The following PCDHA5 variants were observed in gnomAD, a reference collection of about 807,000 sequenced individuals.
PCDHA5 encodes the protein protocadherin alpha 5, also known as protocadherin alpha-5.
PCDHA5 carries 43 observed loss-of-function variants against 61.6 expected under a neutral mutation model. The observed-to-expected ratio is 0.70, with a 90% CI of 0.55 to 0.90. The LOEUF is 0.90. PCDHA5 is among the 40% of genes least tolerant of loss of function. The pLI is 0.00. For synonymous variants in PCDHA5, 627 were observed against 543.9 expected (o/e 1.15, Z -2.13); for missense variants, 1,298 against 1,222.7 (o/e 1.06, Z -0.92).
Position 140,883,794 on chromosome 5 carries a change from C to T in PCDHA5, c.2352+59667C>T, listed in dbSNP as rs781822448. On this transcript the variant is annotated intron_variant, in intron 1 of 3. Coordinates refer to ENST00000529859, the MANE Select transcript of PCDHA5 (RefSeq NM_018908.3). ...GAGCGTGCGCTGTCGAGCTACGTGT[C>T]GGTGCACGCGGAGAGCGGCAAGGTG... 8 of 1,612,476 alleles carry T rather than the reference C, an allele frequency of 5.0e-6. No individual in the cohort carries two copies. The East Asian group carries it at 1.6e-4, about 31-fold the overall frequency.
intron 1 of PCDHA5, among the ~76,000 whole-genome samples, chr5:140,973,636 T>C (rs535388717): frequency 6.6e-6 from 1 of 152,234 alleles, no homozygotes; most frequent in Non-Finnish European, 1.5e-5. Flanking sequence ...CTTGTACACA[T>C]TCTGACTGAA....
In PCDHA5 at chr5:140,823,946, C is replaced by T; in HGVS notation, c.2171C>T (p.Ala724Val). ...CTGTACACCGCGCTGCGGTGCTCGG[C>T]GCAGCCCACCGAGGCCGTGTGCACA... ...LLLYTALRCS[A>V]QPTEAVCTRG... is the part of the protein sequence containing the mutation. Residue 724 changes from alanine to valine, a missense_variant, in exon 1 of 4, where the codon GCG becomes GTG. Physicochemically the swap from Ala to Val is moderately conservative, Grantham distance 64 (BLOSUM62 0). Transcript: ENST00000529859. The T allele has an allele frequency of 1.2e-6, 2 of 1,613,970 alleles. No homozygotes were observed. Among genetic ancestry groups the T allele is most frequent in the East Asian group, 2.2e-5 (1 of 44,872 alleles).
intron 1 of PCDHA5, among the ~76,000 whole-genome samples, chr5:140,941,126 G>T (rs1194807243): frequency 6.6e-6 from 1 of 151,906 alleles, no homozygotes; most frequent in Non-Finnish European, 1.5e-5. Flanking sequence ...GTCCTTTGAA[G>T]TTCCAGCTTA....
chr5:140,830,074 G>C (rs374237990), intron 1 of PCDHA5: 1 of 1,613,702 alleles, frequency 6.2e-7, no homozygotes, highest in Non-Finnish European at 8.5e-7. Context: ...CGCTGACAGC[G>C]ACGGCCACGG....
At chr5:140,902,403 T>G (rs1554190429) in intron 1 of PCDHA5, among the ~76,000 whole-genome samples, 1 of 152,102 alleles carries the variant, frequency 6.6e-6, no homozygotes, top group African/African-American at 2.4e-5. Flanking sequence ...TTGAATACTA[T>G]GTTGAATAAC....
chr5:140,903,401 T>C (rs577425497), intron 1 of PCDHA5, among the ~76,000 whole-genome samples: 1 of 152,218 alleles, frequency 6.6e-6, no homozygotes, highest in Non-Finnish European at 1.5e-5. Context: ...GAAACAGTAG[T>C]GCAGTCAGGA....
intron 1 of PCDHA5, among the ~76,000 whole-genome samples, chr5:140,920,648 A>G (rs1465559942): frequency 1.3e-5 from 2 of 152,148 alleles, no homozygotes; most frequent in Non-Finnish European, 2.9e-5. Flanking sequence ...GATTGAGACC[A>G]TCCTTGCCAA....
At chr5:140,856,890 G>T in intron 1 of PCDHA5, 2 of 1,596,172 alleles carry the variant, frequency 1.3e-6, no homozygotes, top group Non-Finnish European at 1.7e-6. Context: ...TATTCATTTA[G>T]CTCTTTGGTC....
At chr5:140,903,687 T>C (rs1554191081) in intron 1 of PCDHA5, among the ~76,000 whole-genome samples, 1 of 152,228 alleles carries the variant, frequency 6.6e-6, no homozygotes, top group Non-Finnish European at 1.5e-5. Context: ...GTTTGGTAAA[T>C]AGTTTAAAAT....
At chr5:140,937,944 G>T (rs2091858064) in intron 1 of PCDHA5, among the ~76,000 whole-genome samples, 1 of 151,532 alleles carries the variant, frequency 6.6e-6, no homozygotes. Flanking sequence ...TTTGATAATT[G>T]GCTTTTGTTG....
At chr5:140,886,860 C>T (rs1363871264) in intron 1 of PCDHA5, among the ~76,000 whole-genome samples, 1 of 151,304 alleles carries the variant, frequency 6.6e-6, no homozygotes, top group East Asian at 1.9e-4. Flanking sequence ...AAGGTCTTCC[C>T]AACTCCTATA....
intron 1 of PCDHA5, among the ~76,000 whole-genome samples, chr5:140,898,010 T>A (rs2066467224): frequency 6.6e-6 from 1 of 152,240 alleles, no homozygotes; most frequent in African/African-American, 2.4e-5. Context: ...TCTGTTCATA[T>A]CCTTTGCCCA....
intron 1 of PCDHA5, chr5:140,876,163 A>AC (rs782492210): frequency 6.2e-7 from 1 of 1,613,966 alleles, no homozygotes; most frequent in South Asian, 1.1e-5. Flanking sequence ...GATTCAAATA[A>AC]CCGTCCTGGA....
chr5:140,900,446 T>G (rs1344652526), intron 1 of PCDHA5, among the ~76,000 whole-genome samples: 1 of 152,154 alleles, frequency 6.6e-6, no homozygotes, highest in Non-Finnish European at 1.5e-5. Flanking sequence ...GCCGGCTAAT[T>G]TTTTATTTTT....
chr5:140,828,565 C>G (rs2150156833), intron 1 of PCDHA5: 14 of 1,614,168 alleles, frequency 8.7e-6, no homozygotes, highest in Non-Finnish European at 1.2e-5. Flanking sequence ...AGGGCGCGTC[C>G]GATGCAGATG....
chr5:140,855,223 T>G lies in PCDHA5; in HGVS notation c.2352+31096T>G, dbSNP rs79371036. 4.7e-3 allele frequency among the ~76,000 whole-genome samples: 698 copies of G among 149,962 alleles called. 54 individuals are homozygous for G. Among genetic ancestry groups the G allele is most frequent in the Non-Finnish European group, 8.3e-3 (557 of 67,056 alleles). ...ATAGTTTCCATTTATGAAGCACTCATTCTCCTTAAGGTACTATTGCAAGCA... is the reference window on the plus strand; with the variant it reads ...ATAGTTTCCATTTATGAAGCACTCAGTCTCCTTAAGGTACTATTGCAAGCA... On this transcript the variant is annotated intron_variant, in intron 1 of 3. Coordinates refer to ENST00000529859, the MANE Select transcript of PCDHA5 (RefSeq NM_018908.3).
intron 1 of PCDHA5, 187 bp downstream of exon 1, chr5:140,824,314 T>C (rs986796925): frequency 2.7e-6 from 2 of 754,632 alleles, no homozygotes; most frequent in Non-Finnish European, 4.4e-6. Context: ...AATAGATTCA[T>C]CAGCTTTCTG....
rs186341301 is a variant in PCDHA5 at position 140,890,770 on chromosome 5, A to G, written c.2352+66643A>G. Among the ~76,000 whole-genome samples the G allele has an allele frequency of 8.0e-3, 1,216 of 152,240 alleles. 6 individuals are homozygous for G. Among genetic ancestry groups the G allele is most frequent in the African/African-American group, 0.019 (786 of 41,520 alleles). On this transcript the variant is annotated intron_variant, in intron 1 of 3. Transcript: ENST00000529859. Reference sequence around the variant, plus strand: ...CTGTCATGCTTTAAAAATATTTTAAAACCCCATAAGATATTAGTATTATTT... The same window carrying G: ...CTGTCATGCTTTAAAAATATTTTAAGACCCCATAAGATATTAGTATTATTT...
intron 3 of PCDHA5, among the ~76,000 whole-genome samples, chr5:141,003,371 G>A (rs782012251): frequency 2.0e-5 from 3 of 152,148 alleles, no homozygotes; most frequent in African/African-American, 7.2e-5. Flanking sequence ...GAGTGCAGTG[G>A]TGCAATCTCA....
Sources: allele counts gnomAD v4.1 joint callset (sites outside exome capture counted in the v4.1 genomes callset), GRCh38; gene constraint gnomAD v4.1.1; transcripts MANE v1.5; gene names NCBI Gene and HGNC (gene_info 2026-07-23, HGNC 2026-07-21).